Variants in ZNF883 observed in about 807,000 individuals in gnomAD.
The protein encoded by ZNF883 is zinc finger protein 883.
downstream of ZNF883, among the ~76,000 whole-genome samples, chr9:112,992,339 G>A (rs771854477): frequency 3.3e-4 from 51 of 152,272 alleles, no homozygotes; most frequent in Non-Finnish European, 5.9e-4. Context: ...CTTTGCTTAC[G>A]AAGCTTAGTT....
upstream of ZNF883, among the ~76,000 whole-genome samples, chr9:113,001,449 T>G (rs1564333560): frequency 6.6e-6 from 1 of 152,038 alleles, no homozygotes; most frequent in Non-Finnish European, 1.5e-5. Context: ...GATCAAGAGA[T>G]ATGTGAGAAG....
chr9:113,001,666 TATCTG>T (rs1828425536), upstream of ZNF883, among the ~76,000 whole-genome samples: 1 of 152,192 alleles, frequency 6.6e-6, no homozygotes, highest in African/African-American at 2.4e-5. Flanking sequence ...TTGTTTTAGT[TATCTG>T]ATTCTTTCCT....
chr9:112,993,313 C>T (rs984898574), downstream of ZNF883, among the ~76,000 whole-genome samples: 7 of 152,138 alleles, frequency 4.6e-5, no homozygotes, highest in African/African-American at 9.7e-5. Context: ...TTTCTTTTAA[C>T]AGTCAGGTTC....
At chr9:112,998,281 C>T (rs10981590), upstream of ZNF883, 355,753 of 1,457,692 alleles carry the variant, frequency 0.24, 46,290 homozygotes, top group Non-Finnish European at 0.26. Context: ...TATGGCTTTA[C>T]ATTTATTTAT....
exon 2 of ZNF883, chr9:113,011,195 T>G (rs149340126): frequency 6.6e-6 from 1 of 152,106 alleles, no homozygotes; most frequent in African/African-American, 2.4e-5. Context: ...GATGCCATCT[T>G]ATATAAGTAA....
chr9:112,997,036 C>G (rs750992905), downstream of ZNF883: 11 of 1,349,620 alleles, frequency 8.2e-6, no homozygotes, highest in South Asian at 1.6e-4. Flanking sequence ...ATTTTCCTCA[C>G]ATAACAATCC....
chr9:113,006,671 T>C (rs1277124202), intron 2 of ZNF883, among the ~76,000 whole-genome samples: 2 of 152,180 alleles, frequency 1.3e-5, no homozygotes, highest in East Asian at 3.9e-4. Flanking sequence ...AGTCCATGAA[T>C]CTGTCCAAAT....
intron 2 of ZNF883, among the ~76,000 whole-genome samples, chr9:113,008,419 A>G (rs1828499342): frequency 6.7e-6 from 1 of 149,702 alleles, no homozygotes; most frequent in African/African-American, 2.4e-5. Context: ...AGAAATATTT[A>G]TGAAAAGGAA....
At position 112,998,236 on chromosome 9, in the gene ZNF883, CAT is replaced by C. The variant is rs750751851; in HGVS notation, n.22_23del. The C allele has an allele frequency of 4.4e-6, 7 of 1,596,440 alleles. No homozygotes were observed. The South Asian group carries it at 8.0e-5, about 18-fold the overall frequency. ...CAGTACAGAGATATGGGTTCGCGGT[CAT>C]ATAAATTTTCTCAGATTCCATCAGT... On this transcript the variant is annotated non_coding_transcript_exon_variant, in exon 1 of 1. Transcript: ENST00000639662.
chr9:112,992,347 G>GT (rs1409633698), downstream of ZNF883, among the ~76,000 whole-genome samples: 6 of 152,190 alleles, frequency 3.9e-5, no homozygotes, highest in Non-Finnish European at 8.8e-5. Context: ...ACGAAGCTTA[G>GT]TTTGGTTGTA....
rs1327829573 is a variant in ZNF883, at chr9:113,003,594, AG to A, written n.166-1522del. 2.9e-3 allele frequency among the ~76,000 whole-genome samples: 224 copies of A among 78,216 alleles called. 3 individuals carry two copies. Among genetic ancestry groups the A allele is most frequent in the African/African-American group, 0.014 (188 of 13,042 alleles). The allele number at this position is 78,216 out of a possible 152,430, so 51.3% of individuals were successfully genotyped here. A position where few individuals can be genotyped will look rare whatever the true frequency, so the allele number is the denominator to read the frequency against. ...AAGTGGAGTCTCAAAAAAAAAAAAA[AG>A]AATGGAAATGATGCTATATTTAAGG... On this transcript the variant is annotated intron_variant and non_coding_transcript_variant, in intron 2 of 4. Transcript: ENST00000638622.
At chr9:113,011,161 G>A (rs1828534388) in exon 2 of ZNF883, 1 of 152,128 alleles carries the variant, frequency 6.6e-6, no homozygotes, top group Admixed American at 6.6e-5. Context: ...GTAGTCAGGG[G>A]CCAGTGGTCA....
At chr9:113,009,088 C>T (rs1040038819) in intron 2 of ZNF883, among the ~76,000 whole-genome samples, 27 of 152,130 alleles carry the variant, frequency 1.8e-4, no homozygotes, top group African/African-American at 6.3e-4. Context: ...GACCTTGCTA[C>T]CCTATACTCT....
At chr9:112,989,796 T>C (rs1459117671) in intron 1 of ZNF883, among the ~76,000 whole-genome samples, 2 of 152,228 alleles carry the variant, frequency 1.3e-5, no homozygotes, top group East Asian at 3.8e-4. Context: ...CTTATTTACT[T>C]GAGCAGTGGT....
chr9:113,011,282 C>CT (rs1011049394), intron 1 of ZNF883, 55 bp from the exon 2 acceptor site: 49 of 152,314 alleles, frequency 3.2e-4, no homozygotes, highest in African/African-American at 1.1e-3. Context: ...AGAAGCCTGT[C>CT]TGACTACCTG....
chr9:112,999,512 C>T (rs1283613890), upstream of ZNF883, among the ~76,000 whole-genome samples: 2 of 152,196 alleles, frequency 1.3e-5, no homozygotes, highest in Non-Finnish European at 2.9e-5. Context: ...CTCAGTCCCA[C>T]AAGACTGCCT....
chr9:112,992,854 C>G (rs1471198823), downstream of ZNF883, among the ~76,000 whole-genome samples: 1 of 152,138 alleles, frequency 6.6e-6, no homozygotes, highest in East Asian at 1.9e-4. Context: ...TTTCTCCAGT[C>G]TATTTGGTTA....
chr9:112,995,245 T>G (rs1321039941), downstream of ZNF883, among the ~76,000 whole-genome samples: 1 of 152,220 alleles, frequency 6.6e-6, no homozygotes, highest in Non-Finnish European at 1.5e-5. Context: ...GTCTTCAAGC[T>G]GGGACACTAG....
intron 2 of ZNF883, among the ~76,000 whole-genome samples, chr9:113,005,340 A>G (rs1052787074): frequency 6.6e-6 from 1 of 152,202 alleles, no homozygotes; most frequent in African/African-American, 2.4e-5. Flanking sequence ...AAAATGTATA[A>G]TGCAATACAA....
Sources: gnomAD v4.1 joint callset for allele counts (sites outside exome capture counted in the v4.1 genomes callset) on GRCh38, gnomAD v4.1.1 for gene constraint, MANE v1.5 for transcripts, NCBI Gene and HGNC (gene_info 2026-07-23, HGNC 2026-07-21) for gene names.